The following LPP variants were observed in gnomAD, a reference collection of about 807,000 sequenced individuals.
LPP encodes the protein LIM domain containing preferred translocation partner in lipoma.
Under a neutral mutation model 60.4 loss-of-function variants are expected in LPP, and 38 were observed. The ratio of observed to expected loss-of-function variants is 0.63; its 90% CI spans 0.49 to 0.83. The LOEUF (loss-of-function observed/expected upper bound fraction) is 0.83. LPP is among the 40% of genes least tolerant of loss of function. The pLI is 0.00. For synonymous variants in LPP, 328 were observed against 290.8 expected (o/e 1.13, Z -1.30); for missense variants, 902 against 783.6 (o/e 1.15, Z -1.80).
At chr3:188,345,615 A>G (rs1764136838) in intron 3 of LPP, among the ~76,000 whole-genome samples, 1 of 152,242 alleles carries the variant, frequency 6.6e-6, no homozygotes, top group South Asian at 2.1e-4. Flanking sequence ...GCTACACAGC[A>G]TTAATAGCAG....
chr3:188,848,528 C>T (rs942035295), intron 9 of LPP, among the ~76,000 whole-genome samples: 6 of 152,236 alleles, frequency 3.9e-5, no homozygotes, highest in Non-Finnish European at 8.8e-5. Context: ...ATTTTTCTCA[C>T]TGCTGTCTTT....
chr3:188,333,728 G>T (rs940256251), intron 2 of LPP, among the ~76,000 whole-genome samples: 54 of 151,612 alleles, frequency 3.6e-4, no homozygotes, highest in Non-Finnish European at 1.6e-4. Flanking sequence ...TACCTTTTTT[G>T]CTTTTATTAT....
chr3:188,870,719 C>T (rs547566300), intron 10 of LPP, among the ~76,000 whole-genome samples: 19 of 152,296 alleles, frequency 1.2e-4, no homozygotes, highest in Non-Finnish European at 2.1e-4. Flanking sequence ...TTGAAATAGA[C>T]CACCTGGGAT....
At chr3:188,799,886 G>T (rs1379431912) in intron 9 of LPP, among the ~76,000 whole-genome samples, 1 of 152,070 alleles carries the variant, frequency 6.6e-6, no homozygotes, top group Non-Finnish European at 1.5e-5. Flanking sequence ...TAGAGTGAAA[G>T]TGTTTTCAAC....
intron 6 of LPP, among the ~76,000 whole-genome samples, chr3:188,554,471 CT>C (rs1828994232): frequency 6.6e-6 from 1 of 152,100 alleles, no homozygotes; most frequent in Non-Finnish European, 1.5e-5. Context: ...GTGATGCGTT[CT>C]TTTATTTAGA....
At chr3:188,170,411 A>C (rs1577087612) in intron 1 of LPP, among the ~76,000 whole-genome samples, 1 of 147,628 alleles carries the variant, frequency 6.8e-6, no homozygotes, top group Non-Finnish European at 1.5e-5. Context: ...GCTGACTGCA[A>C]CCTCCGCCTC....
intron 9 of LPP, among the ~76,000 whole-genome samples, chr3:188,861,579 T>A (rs1765207289): frequency 6.6e-6 from 1 of 152,200 alleles, no homozygotes; most frequent in African/African-American, 2.4e-5. Context: ...TCTTATTCTT[T>A]ATCATCTCAT....
intron 3 of LPP, among the ~76,000 whole-genome samples, chr3:188,345,588 C>T (rs1024222119): frequency 1.3e-5 from 2 of 152,176 alleles, no homozygotes; most frequent in Admixed American, 6.5e-5. Flanking sequence ...TCAAGGCCTG[C>T]GATTCCCAAT....
intron 6 of LPP, among the ~76,000 whole-genome samples, chr3:188,545,142 A>C (rs1826235975): frequency 8.4e-6 from 1 of 119,306 alleles, no homozygotes; most frequent in Admixed American, 8.5e-5. Context: ...ATTGGGAGAT[A>C]TACCTAATGC....
intron 2 of LPP, among the ~76,000 whole-genome samples, chr3:188,275,427 A>G (rs533714373): frequency 3.3e-5 from 5 of 152,168 alleles, no homozygotes; most frequent in Admixed American, 6.5e-5. Context: ...TGGTGTGATC[A>G]TAGCTCATCT....
chr3:188,688,976 T>A, intron 7 of LPP: 1 of 478,222 alleles, frequency 2.1e-6, no homozygotes, highest in Non-Finnish European at 4.1e-6. Flanking sequence ...AAATCAGAGC[T>A]AATACTGCCT....
chr3:188,670,776 G>T, intron 7 of LPP, among the ~76,000 whole-genome samples: 1 of 152,158 alleles, frequency 6.6e-6, no homozygotes. Flanking sequence ...AAACTGAAAG[G>T]TTGGAAGGAT....
chr3:188,653,057 C>T (rs551963508), intron 7 of LPP, among the ~76,000 whole-genome samples: 238 of 152,314 alleles, frequency 1.6e-3, no homozygotes, highest in Non-Finnish European at 2.6e-3. Flanking sequence ...CAATTCTTGC[C>T]TCAAGAAGAG....
intron 2 of LPP, among the ~76,000 whole-genome samples, chr3:188,243,605 G>A (rs567840705): frequency 3.3e-5 from 5 of 152,256 alleles, no homozygotes; most frequent in African/African-American, 1.2e-4. Context: ...TTATCCTTTT[G>A]GCATGATTCT....
chr3:188,870,544 T>C (rs1350401527), intron 10 of LPP, among the ~76,000 whole-genome samples: 1 of 152,222 alleles, frequency 6.6e-6, no homozygotes, highest in Non-Finnish European at 1.5e-5. Flanking sequence ...ATGATAAAAA[T>C]ACTTCCTCAT....
intron 6 of LPP, among the ~76,000 whole-genome samples, chr3:188,582,647 T>C (rs1836518492): frequency 6.6e-6 from 1 of 152,174 alleles, no homozygotes; most frequent in African/African-American, 2.4e-5. Context: ...CTCTTCAGAT[T>C]CAATTGTTTC....
At chr3:188,688,885 A>G in intron 7 of LPP, 1 of 516,352 alleles carries the variant, frequency 1.9e-6, no homozygotes, top group Non-Finnish European at 3.9e-6. Context: ...TCTGAAAAAG[A>G]GCTTAAATTT....
Position 188,585,236 on chromosome 3 carries a change from CT to C in LPP, c.430-23922del, listed in dbSNP as rs368118550. Among the ~76,000 whole-genome samples the C allele has an allele frequency of 4.0e-4, 61 of 152,294 alleles. No homozygotes were observed. The South Asian group carries it at 0.012, about 30-fold the overall frequency. ...TGTTAGAACTTATTAAGCTTGTTGC[CT>C]TTAGCATGTCAATGCCTTGTTTTTA... On this transcript the variant is annotated intron_variant, in intron 6 of 11. Transcript: ENST00000617246.
chr3:188,513,967 G>A (rs993037047), intron 5 of LPP, among the ~76,000 whole-genome samples: 6 of 152,138 alleles, frequency 3.9e-5, no homozygotes, highest in East Asian at 1.9e-4. Flanking sequence ...AATAGAAAAC[G>A]ACCTGGAAGG....
Sources: gnomAD v4.1 joint callset for allele counts (sites outside exome capture counted in the v4.1 genomes callset) on GRCh38, gnomAD v4.1.1 for gene constraint, MANE v1.5 for transcripts, NCBI Gene and HGNC (gene_info 2026-07-23, HGNC 2026-07-21) for gene names.